Variants in PIK3R4 observed in about 807,000 individuals in gnomAD.
PIK3R4 encodes phosphoinositide-3-kinase regulatory subunit 4, also known as phosphoinositide 3-kinase regulatory subunit 4.
A neutral mutation model predicts 136.5 loss-of-function variants in PIK3R4; 46 were observed. That is an observed-to-expected ratio of 0.34 (90% CI 0.27 to 0.43). The LOEUF is 0.43. Ranked by LOEUF, PIK3R4 falls within the 20% of genes least tolerant of loss-of-function variation. The probability of loss-of-function intolerance (pLI) is 1.00; values close to 1 mark genes in which losing one functional copy is unlikely to be tolerated. For synonymous variants in PIK3R4, 557 were observed against 566.7 expected (o/e 0.98, Z 0.24); for missense variants, 1,331 against 1,649.5 (o/e 0.81, Z 3.35).
rs776572857 is a variant in PIK3R4, at chr3:130,690,635, G to C, written c.3118C>G (p.Arg1040Gly). ...TTTRSILTYS[R>G]IGGRVKTLTF... ...AGCGTCTTGACTCGTCCTCCAATTC[G>C]GCTGTATGTAAGAATAGATCTGAAT... The change falls in exon 14 of 20, where the codon CGA becomes GGA. Residue 1040 changes from arginine (R) to glycine (G), a missense_variant. By Grantham distance (125) the Arg-to-Gly change is moderately radical (BLOSUM62 -2). Transcript: ENST00000356763. 2.4e-5 allele frequency: 38 copies of C among 1,606,812 alleles called. No individual in the cohort carries two copies. The East Asian group carries it at 8.3e-4, about 35-fold the overall frequency.
chr3:130,736,055 A>G (rs2066784238), intron 2 of PIK3R4, 53 bp from the exon 3 acceptor site: 2 of 1,433,390 alleles, frequency 1.4e-6, no homozygotes, highest in Admixed American at 2.1e-5. Context: ...AATATCATGC[A>G]ATATAGATTG....
intron 6 of PIK3R4, among the ~76,000 whole-genome samples, chr3:130,725,746 CAAGAA>C (rs1463948348): frequency 1.3e-5 from 2 of 151,410 alleles, no homozygotes; most frequent in African/African-American, 2.4e-5. Context: ...TCGAAAAGAA[CAAGAA>C]AAGCATAAGT....
chr3:130,723,349 A>G, intron 7 of PIK3R4, 65 bp downstream of exon 7: 3 of 1,393,204 alleles, frequency 2.2e-6, no homozygotes, highest in Non-Finnish European at 3.0e-6. Flanking sequence ...GCAATTCTTT[A>G]TATTACCTAG....
At chr3:130,740,178 G>A (rs915462641) in intron 2 of PIK3R4, among the ~76,000 whole-genome samples, 1 of 152,054 alleles carries the variant, frequency 6.6e-6, no homozygotes, top group Non-Finnish European at 1.5e-5. Flanking sequence ...TAAGTGGGGG[G>A]AGGCATTCTT....
In PIK3R4 at chr3:130,703,739, T is replaced by A; in HGVS notation, c.3082A>T (p.Lys1028Ter). 1 of 1,612,368 alleles carries A rather than the reference T, an allele frequency of 6.2e-7. No individual in the cohort carries two copies. The highest frequency in any genetic ancestry group is 8.5e-7 in the Non-Finnish European group (1 of 1,178,548). The change falls in exon 13 of 20, where the codon AAG becomes TAG. Residue 1028 changes from lysine to a stop codon, truncating the protein, a stop_gained. Transcript: ENST00000356763. LOFTEE classifies it high-confidence loss of function. ...KIWNSQKMEGKTTTTRSILTY... is the reference protein window; with the variant it reads ...KIWNSQKMEG ...ATATGGTACCTGGTAGTGGTGGTCT[T>A]CCCCTCCATCTTTTGACTGTTCCAG...
chr3:130,691,916 C>T (rs2066522066), intron 13 of PIK3R4, among the ~76,000 whole-genome samples: 1 of 146,098 alleles, frequency 6.8e-6, no homozygotes, highest in African/African-American at 2.5e-5. Context: ...ACTCTGTCAC[C>T]CAGGCTGGAG....
intron 3 of PIK3R4, among the ~76,000 whole-genome samples, chr3:130,734,978 A>T (rs1011945681): frequency 3.3e-5 from 5 of 152,196 alleles, no homozygotes; most frequent in African/African-American, 1.2e-4. Flanking sequence ...CTAGGCCCTA[A>T]AAATTAAACA....
chr3:130,695,667 A>G (rs2066541842), intron 13 of PIK3R4, among the ~76,000 whole-genome samples: 1 of 152,182 alleles, frequency 6.6e-6, no homozygotes, highest in African/African-American at 2.4e-5. Context: ...CTCTATTCAC[A>G]TAACTTTTAT....
At position 130,686,268 on chromosome 3, in the gene PIK3R4, T is replaced by TTAA. The variant is rs1328797007; in HGVS notation, c.3415_3417dup (p.Leu1139dup). The TTAA allele has an allele frequency of 6.2e-7, 1 of 1,613,614 alleles. No individual in the cohort carries two copies. The highest frequency in any genetic ancestry group is 8.5e-7 in the Non-Finnish European group (1 of 1,179,630). ...GCAAAGGAAGTGATGAGGCCCGACT[T>TTAA]TAAATCATGCTTTAAAGTCCACGCA... On this transcript the variant is annotated inframe_insertion, in exon 15 of 20. Transcript: ENST00000356763.
At chr3:130,743,884 G>A (rs1387664528) in intron 2 of PIK3R4, among the ~76,000 whole-genome samples, 2 of 152,160 alleles carry the variant, frequency 1.3e-5, no homozygotes. Flanking sequence ...TTCACACTGT[G>A]TTCCAGAAAA....
intron 13 of PIK3R4, among the ~76,000 whole-genome samples, chr3:130,694,219 A>C (rs1270091196): frequency 6.6e-6 from 1 of 151,860 alleles, no homozygotes; most frequent in Non-Finnish European, 1.5e-5. Context: ...TGAGTCCTTC[A>C]ATTTGGTTCT....
rs986345580 is a variant in PIK3R4, at chr3:130,679,294, A to C, written c.*21T>G. 6.8e-7 allele frequency: 1 copy of C among 1,464,950 alleles called. No individual in the cohort carries two copies. The highest frequency in any genetic ancestry group is 1.4e-5 in the African/African-American group (1 of 69,946). 90.7% of individuals were successfully genotyped at this position (1,464,950 alleles called of 1,614,324 possible). On this transcript the variant is annotated 3_prime_UTR_variant, in exon 20 of 20. Transcript: ENST00000356763. ...TAGTATTATATTTATAACTATTAAA[A>C]TTTATACAAATCAGTAGGTTTTATT...
intron 13 of PIK3R4, among the ~76,000 whole-genome samples, chr3:130,697,062 G>GTTTTTTTTTTTTTTTT (rs1559821992): frequency 1.0e-5 from 1 of 96,354 alleles, no homozygotes; most frequent in African/African-American, 3.7e-5. Flanking sequence ...GGCCACTCCA[G>GTTTTTTTTTTTTTTTT]CTTTTTTTTT....
rs1262330411 is a variant in PIK3R4, at chr3:130,681,055, TGAG to T, written c.3716_3718del (p.Pro1239del). ...ACTACAGTAGATACCATGGACGCTA[TGAG>T]GAGAAGGCTTAAAAGAAATAGATGT... On this transcript the variant is annotated inframe_deletion, in exon 18 of 20. Coordinates refer to ENST00000356763, the MANE Select transcript of PIK3R4 (RefSeq NM_014602.3). 4 of 1,570,322 alleles carry T rather than the reference TGAG, an allele frequency of 2.5e-6. No homozygotes were observed. The highest frequency in any genetic ancestry group is 2.7e-5 in the African/African-American group (2 of 74,082).
intron 3 of PIK3R4, among the ~76,000 whole-genome samples, chr3:130,734,879 C>G (rs1281563742): frequency 1.3e-5 from 2 of 152,170 alleles, no homozygotes; most frequent in Admixed American, 6.5e-5. Flanking sequence ...TTTCTGTTTA[C>G]AGTTTAAATA....
At chr3:130,707,533 C>CT (rs1487024987) in intron 10 of PIK3R4, among the ~76,000 whole-genome samples, 3 of 152,042 alleles carry the variant, frequency 2.0e-5, no homozygotes, top group Non-Finnish European at 4.4e-5. Context: ...TTCAATCTTT[C>CT]TTTTTTTGGC....
In PIK3R4 at chr3:130,744,775, G is replaced by A. The variant is rs762464197; in HGVS notation, c.444C>T (p.Asp148=). The A allele has an allele frequency of 1.9e-6, 3 of 1,614,212 alleles. No homozygotes were observed. The highest frequency in any genetic ancestry group is 2.5e-6 in the Non-Finnish European group (3 of 1,180,032). Residue 148 remains aspartate (D), a synonymous_variant, in exon 2 of 20, where the codon GAC becomes GAT. Coordinates refer to ENST00000356763, the MANE Select transcript of PIK3R4 (RefSeq NM_014602.3). ...TGACCATCACATTCTCAGTCTTGATGTCCCCATGACGAACTCCAGATTTGT... is the reference window on the plus strand; with the variant it reads ...TGACCATCACATTCTCAGTCTTGATATCCCCATGACGAACTCCAGATTTGT... The part of the protein sequence containing the change: ...QAHKSGVRHG[D]IKTENVMVTS...
intron 2 of PIK3R4, 131 bp downstream of exon 2, chr3:130,744,355 C>T: frequency 1.0e-6 from 1 of 983,486 alleles, no homozygotes. Flanking sequence ...CTGCCTCTAA[C>T]TGAAATAGCG....
chr3:130,700,641 G>A (rs966513475), intron 13 of PIK3R4, among the ~76,000 whole-genome samples: 7 of 152,176 alleles, frequency 4.6e-5, no homozygotes, highest in African/African-American at 1.4e-4. Context: ...ATCAGGACTG[G>A]GAACTGAATG....
Sources: gnomAD v4.1 joint callset for allele counts (sites outside exome capture counted in the v4.1 genomes callset) on GRCh38, gnomAD v4.1.1 for gene constraint, MANE v1.5 for transcripts, NCBI Gene and HGNC (gene_info 2026-07-23, HGNC 2026-07-21) for gene names.